Variants in PRRC2B observed in about 807,000 individuals in gnomAD.
PRRC2B encodes the protein protein PRRC2B.
In PRRC2B, 68 loss-of-function variants were observed where a neutral mutation model predicts 242.3. The ratio of observed to expected loss-of-function variants is 0.28; its 90% confidence interval spans 0.23 to 0.34. PRRC2B has a LOEUF of 0.34. Among genes scored for constraint, PRRC2B ranks in the 10% least tolerant of loss-of-function variants. The pLI is 1.00. For synonymous variants in PRRC2B, 1,228 were observed against 1,173.6 expected (o/e 1.05, Z -0.95); for missense variants, 2,835 against 2,954.8 (o/e 0.96, Z 0.94).
intron 1 of PRRC2B, among the ~76,000 whole-genome samples, chr9:131,420,951 C>G (rs1837822572): frequency 6.6e-6 from 1 of 152,210 alleles, no homozygotes; most frequent in African/African-American, 2.4e-5. Flanking sequence ...GCAATGTATT[C>G]ATGTCCATAC....
intron 5 of PRRC2B, among the ~76,000 whole-genome samples, chr9:131,442,286 C>T (rs1199108846): frequency 2.0e-5 from 3 of 152,086 alleles, no homozygotes; most frequent in African/African-American, 2.4e-5. Flanking sequence ...GCATGCACCA[C>T]CATGCCCGGC....
chr9:131,445,239 C>T (rs1369484497), intron 6 of PRRC2B, among the ~76,000 whole-genome samples: 1 of 152,096 alleles, frequency 6.6e-6, no homozygotes, highest in Admixed American at 6.5e-5. Flanking sequence ...CTGCTCACTG[C>T]AACCTCCGCC....
At chr9:131,442,187 C>T (rs1392678602) in intron 5 of PRRC2B, among the ~76,000 whole-genome samples, 1 of 151,186 alleles carries the variant, frequency 6.6e-6, no homozygotes, top group East Asian at 1.9e-4. Flanking sequence ...GGCTGGAGTG[C>T]AGTAGTGCAG....
chr9:131,468,038 A>G (rs758858712), intron 13 of PRRC2B, among the ~76,000 whole-genome samples: 1 of 152,156 alleles, frequency 6.6e-6, no homozygotes, highest in African/African-American at 2.4e-5. Flanking sequence ...TAAGGAACCT[A>G]TTCAGTGCTG....
At chr9:131,437,321 T>C (rs955568771) in intron 4 of PRRC2B, among the ~76,000 whole-genome samples, 1 of 152,190 alleles carries the variant, frequency 6.6e-6, no homozygotes, top group African/African-American at 2.4e-5. Context: ...CTTTGGGAAA[T>C]ACGAAGCTAC....
chr9:131,448,733 T>G (rs371186969), intron 9 of PRRC2B, among the ~76,000 whole-genome samples: 290 of 151,828 alleles, frequency 1.9e-3, no homozygotes, highest in Non-Finnish European at 3.6e-3. Flanking sequence ...TCTGCCATTC[T>G]TATTCGTTTA....
chr9:131,458,353 A>T (rs1228455626), intron 10 of PRRC2B, among the ~76,000 whole-genome samples: 1 of 152,068 alleles, frequency 6.6e-6, no homozygotes, highest in Non-Finnish European at 1.5e-5. Flanking sequence ...TCAGCTACTG[A>T]CTTTTTAAAT....
intron 1 of PRRC2B, among the ~76,000 whole-genome samples, chr9:131,377,093 A>G (rs1836695065): frequency 6.6e-6 from 1 of 151,708 alleles, no homozygotes; most frequent in African/African-American, 2.4e-5. Flanking sequence ...CTAATACATA[A>G]CCTTTTCAAT....
intron 3 of PRRC2B, among the ~76,000 whole-genome samples, chr9:131,433,281 G>T (rs984768959): frequency 6.6e-6 from 1 of 152,200 alleles, no homozygotes; most frequent in African/African-American, 2.4e-5. Flanking sequence ...TTCTGCTGTT[G>T]CTCTAAACAG....
At chr9:131,479,474 T>G in intron 19 of PRRC2B, 81 bp downstream of exon 19, 1 of 1,382,918 alleles carries the variant, frequency 7.2e-7, no homozygotes, top group East Asian at 2.4e-5. Context: ...AGGATCCTGC[T>G]TTTGAGCTAC....
intron 5 of PRRC2B, among the ~76,000 whole-genome samples, chr9:131,443,279 G>A (rs922210390): frequency 3.3e-5 from 5 of 151,408 alleles, no homozygotes; most frequent in Admixed American, 6.6e-5. Flanking sequence ...GACTACAGGC[G>A]CCCGCCACCA....
chr9:131,389,311 A>G (rs1836869007), upstream of PRRC2B, among the ~76,000 whole-genome samples: 2 of 148,020 alleles, frequency 1.4e-5, no homozygotes, highest in Non-Finnish European at 1.5e-5. Context: ...ATGCGCCACC[A>G]TGCCTGGCTC....
At chr9:131,483,280 A>T in intron 22 of PRRC2B, 79 bp from the exon 23 acceptor site, 1 of 1,347,444 alleles carries the variant, frequency 7.4e-7, no homozygotes, top group Admixed American at 1.8e-5. Context: ...GGGAAACTGC[A>T]TCACGTTAAT....
At chr9:131,476,651 G>A (rs538296253) in intron 16 of PRRC2B, 116 bp downstream of exon 16, 19 of 882,272 alleles carry the variant, frequency 2.2e-5, no homozygotes, top group Non-Finnish European at 3.0e-5. Flanking sequence ...CTGCCCCCAG[G>A]CCGTCTGTGC....
At chr9:131,391,313 C>A (rs899120875), upstream of PRRC2B, among the ~76,000 whole-genome samples, 7 of 151,928 alleles carry the variant, frequency 4.6e-5, no homozygotes, top group Non-Finnish European at 1.0e-4. Context: ...CATTTCTGGG[C>A]GTGAGGTCCT....
intron 1 of PRRC2B, among the ~76,000 whole-genome samples, chr9:131,384,985 T>A (rs957424698): frequency 6.6e-6 from 1 of 151,804 alleles, no homozygotes; most frequent in African/African-American, 2.4e-5. Flanking sequence ...AAGTGTTGGG[T>A]TGTGTTTTGT....
intron 11 of PRRC2B, among the ~76,000 whole-genome samples, chr9:131,462,444 C>A (rs886770118): frequency 6.6e-6 from 1 of 151,876 alleles, no homozygotes; most frequent in Non-Finnish European, 1.5e-5. Flanking sequence ...AACTCCTGAC[C>A]TCAGGTGATC....
In PRRC2B at chr9:131,448,543, C is replaced by CAAAAAAAAAAAAAGAAAAAAAA. The variant is rs1838884900; in HGVS notation, c.1120+752_1120+753insGAAAAAAAAAAAAAAAAAAAAA. On this transcript the variant is annotated intron_variant, in intron 9 of 31. Coordinates refer to ENST00000683519, the MANE Select transcript of PRRC2B (RefSeq NM_013318.4). ...TGGGCGACAGAGGGAGACACTGTCT[C>CAAAAAAAAAAAAAGAAAAAAAA]AAAAAAAAAAAAAAAAAAAAAAAAA... Among the ~76,000 whole-genome samples, 2 of 39,874 alleles carry CAAAAAAAAAAAAAGAAAAAAAA rather than the reference C, an allele frequency of 5.0e-5. 1 individual carries two copies. Among genetic ancestry groups the CAAAAAAAAAAAAAGAAAAAAAA allele is most frequent in the African/African-American group, 1.7e-4 (2 of 12,036 alleles). 26.2% of individuals were successfully genotyped at this position (39,874 alleles called of 152,430 possible).
chr9:131,478,523 G>C lies in PRRC2B; in HGVS notation c.4662G>C (p.Val1554=), dbSNP rs778974395. The part of the protein sequence containing the change: ...CGSSPGEESE[V]GSMVGEGFIE... ...CCAGCCCCGGGGAGGAGAGTGAGGTGGGTTCTATGGTGGGCGAAGGCTTCA... is the reference window on the plus strand; with the variant it reads ...CCAGCCCCGGGGAGGAGAGTGAGGTCGGTTCTATGGTGGGCGAAGGCTTCA... The change falls in exon 18 of 32, where the codon GTG becomes GTC. Residue 1554 remains valine, a synonymous_variant. Transcript: ENST00000683519. 6.2e-7 allele frequency: 1 copy of C among 1,613,402 alleles called. No homozygotes were observed. The highest frequency in any genetic ancestry group is 1.1e-5 in the South Asian group (1 of 91,058).
Sources: gnomAD v4.1 joint callset for allele counts (sites outside exome capture counted in the v4.1 genomes callset) on GRCh38, gnomAD v4.1.1 for gene constraint, MANE v1.5 for transcripts, NCBI Gene and HGNC (gene_info 2026-07-23, HGNC 2026-07-21) for gene names.